Variants in MAF observed in about 807,000 individuals in gnomAD.
MAF encodes MAF bZIP transcription factor.
Under a neutral mutation model 22.0 loss-of-function variants are expected in MAF, and 10 were observed. The ratio of observed to expected loss-of-function variants is 0.45; its 90% CI spans 0.28 to 0.77. The LOEUF (loss-of-function observed/expected upper bound fraction) is 0.77, where lower values mean the gene tolerates loss of function less well. Ranked by LOEUF, MAF falls within the 30% of genes least tolerant of loss-of-function variation. The pLI is 0.12. For missense variants in MAF, 544 were observed against 548.4 expected (o/e 0.99, Z 0.08); for synonymous variants, 337 against 255.8 (o/e 1.32, Z -3.03).
the MAF span, among the ~76,000 whole-genome samples, chr16:79,354,415 T>G: frequency 2.0e-5 from 3 of 152,098 alleles, no homozygotes; most frequent in African/African-American, 7.2e-5. Context: ...CCATTATGTG[T>G]GCTGGGTGAC....
chr16:79,519,663 G>A, the MAF span, among the ~76,000 whole-genome samples: 2 of 152,316 alleles, frequency 1.3e-5, no homozygotes, highest in Admixed American at 6.5e-5. Context: ...TCCAAGCCAG[G>A]CGACACTGCT....
At chr16:79,433,870 T>C in the MAF span, among the ~76,000 whole-genome samples, 1 of 152,226 alleles carries the variant, frequency 6.6e-6, no homozygotes, top group African/African-American at 2.4e-5. Flanking sequence ...CTGGCATGAC[T>C]GGTCCCCTCG....
chr16:79,500,972 C>T, the MAF span, among the ~76,000 whole-genome samples: 1 of 152,150 alleles, frequency 6.6e-6, no homozygotes, highest in African/African-American at 2.4e-5. Flanking sequence ...TGGGCTGGCT[C>T]TTGTTTCTCT....
chr16:79,289,690 A>T, the MAF span, among the ~76,000 whole-genome samples: 2 of 152,102 alleles, frequency 1.3e-5, no homozygotes, highest in African/African-American at 4.8e-5. Flanking sequence ...CATTTTAGGG[A>T]TGTGGAAACT....
the MAF span, among the ~76,000 whole-genome samples, chr16:79,502,716 T>A: frequency 4.4e-4 from 9 of 20,576 alleles, no homozygotes; most frequent in South Asian, 5.6e-3. Context: ...TAAATATATA[T>A]ATATATATAT....
chr16:79,312,934 G>A, the MAF span, among the ~76,000 whole-genome samples: 3 of 152,194 alleles, frequency 2.0e-5, no homozygotes, highest in East Asian at 5.8e-4. Context: ...TAAGACTTAC[G>A]GCATCATCGG....
At chr16:79,530,749 C>T in the MAF span, among the ~76,000 whole-genome samples, 14 of 152,208 alleles carry the variant, frequency 9.2e-5, no homozygotes, top group Non-Finnish European at 1.3e-4. Context: ...ATAAAATTAA[C>T]GATCAATTGT....
the MAF span, among the ~76,000 whole-genome samples, chr16:79,407,279 T>C: frequency 6.6e-6 from 1 of 152,156 alleles, no homozygotes; most frequent in African/African-American, 2.4e-5. Flanking sequence ...GACAGGGGCC[T>C]CTTGGCTAGC....
chr16:79,433,123 C>G, the MAF span, among the ~76,000 whole-genome samples: 1 of 152,012 alleles, frequency 6.6e-6, no homozygotes, highest in Non-Finnish European at 1.5e-5. Context: ...TATCATGGTC[C>G]CTTTGCAATA....
At chr16:79,469,865 G>C in the MAF span, among the ~76,000 whole-genome samples, 3 of 152,156 alleles carry the variant, frequency 2.0e-5, no homozygotes, top group Admixed American at 1.3e-4. Flanking sequence ...AAAGTGCTGA[G>C]ATTACAGGCT....
the MAF span, among the ~76,000 whole-genome samples, chr16:79,267,743 G>A: frequency 1.9e-4 from 29 of 152,198 alleles, no homozygotes; most frequent in African/African-American, 6.3e-4. Context: ...GTTGTCAGGA[G>A]TAAGGGGAGA....
the MAF span, among the ~76,000 whole-genome samples, chr16:79,371,868 G>C: frequency 4.6e-5 from 7 of 152,238 alleles, no homozygotes; most frequent in African/African-American, 1.2e-4. Flanking sequence ...ATCTTGGGCA[G>C]AGAGGAGTTT....
chr16:79,361,497 A>T, the MAF span, among the ~76,000 whole-genome samples: 4 of 152,098 alleles, frequency 2.6e-5, no homozygotes, highest in African/African-American at 9.7e-5. Flanking sequence ...AACATTTAGC[A>T]CTTTCCCCCG....
the MAF span, among the ~76,000 whole-genome samples, chr16:79,433,370 T>C: frequency 6.6e-6 from 1 of 151,804 alleles, no homozygotes; most frequent in South Asian, 2.1e-4. Flanking sequence ...TTCATCTTCC[T>C]AAGCAATGAA....
At chr16:79,412,496 G>A in the MAF span, among the ~76,000 whole-genome samples, 1 of 152,126 alleles carries the variant, frequency 6.6e-6, no homozygotes, top group Non-Finnish European at 1.5e-5. Context: ...TATCCACCTG[G>A]GCACTGACAT....
chr16:79,440,762 G>T, the MAF span, among the ~76,000 whole-genome samples: 3 of 152,164 alleles, frequency 2.0e-5, no homozygotes, highest in African/African-American at 7.2e-5. Context: ...ACTTCAGAAT[G>T]GCTTGCTGTT....
At chr16:79,262,232 T>C in the MAF span, among the ~76,000 whole-genome samples, 1 of 152,074 alleles carries the variant, frequency 6.6e-6, no homozygotes, top group South Asian at 2.1e-4. Flanking sequence ...CTGAGCTCCT[T>C]AGTGAGGGCC....
chr16:79,337,670 G>A, the MAF span, among the ~76,000 whole-genome samples: 2 of 152,174 alleles, frequency 1.3e-5, no homozygotes, highest in African/African-American at 4.8e-5. Flanking sequence ...ATGATTGTTA[G>A]GGGTGAAAGC....
the MAF span, among the ~76,000 whole-genome samples, chr16:79,352,135 C>G: frequency 1.9e-4 from 29 of 152,182 alleles, no homozygotes; most frequent in African/African-American, 7.0e-4. Flanking sequence ...GTAACTGAAT[C>G]ACAAAATGTT....
Sources: allele counts gnomAD v4.1 joint callset (sites outside exome capture counted in the v4.1 genomes callset), GRCh38; gene constraint gnomAD v4.1.1; transcripts MANE v1.5; gene names NCBI Gene and HGNC (gene_info 2026-07-23, HGNC 2026-07-21).